Variants in MBNL2 observed in about 807,000 individuals in gnomAD.
MBNL2 encodes the protein muscleblind like splicing regulator 2.
A neutral mutation model predicts 41.9 loss-of-function variants in MBNL2; 17 were observed. That is an observed-to-expected ratio of 0.41 (90% CI 0.28 to 0.61). The LOEUF (loss-of-function observed/expected upper bound fraction) is 0.61, where lower values mean the gene tolerates loss of function less well. MBNL2 is among the 20% of genes least tolerant of loss of function. MBNL2 has a pLI of 0.35. For missense variants in MBNL2, 336 were observed against 505.6 expected, an observed-to-expected ratio of 0.66 and a Z score of 3.22; for synonymous variants, 195 against 182.9, an observed-to-expected ratio of 1.07 and a Z score of -0.53.
At chr13:97,360,685 TGGAACTA>T (rs1176465111) in intron 7 of MBNL2, among the ~76,000 whole-genome samples, 1 of 152,242 alleles carries the variant, frequency 6.6e-6, no homozygotes, top group Non-Finnish European at 1.5e-5. Context: ...CACCGCAAAG[TGGAACTA>T]CCCAGATAAT....
the MBNL2 span, among the ~76,000 whole-genome samples, chr13:97,162,062 G>A: frequency 1.3e-5 from 2 of 152,156 alleles, no homozygotes; most frequent in Non-Finnish European, 2.9e-5. Context: ...CAGCAAAGAG[G>A]AAGCTGACTG....
chr13:97,329,514 C>G (rs1403307642), intron 2 of MBNL2, among the ~76,000 whole-genome samples: 1 of 151,822 alleles, frequency 6.6e-6, no homozygotes, highest in Non-Finnish European at 1.5e-5. Flanking sequence ...CCTCCCCACA[C>G]CCCTTCTCTG....
chr13:97,178,488 G>C, the MBNL2 span, among the ~76,000 whole-genome samples: 1 of 152,134 alleles, frequency 6.6e-6, no homozygotes, highest in Non-Finnish European at 1.5e-5. Context: ...AACCATTTTG[G>C]GAAAATAGAG....
the MBNL2 span, among the ~76,000 whole-genome samples, chr13:97,144,283 A>G: frequency 2.0e-5 from 3 of 152,294 alleles, no homozygotes; most frequent in African/African-American, 7.2e-5. Context: ...TCCATGAAGG[A>G]GGGGTCTGAG....
chr13:97,235,318 CT>C (rs1203848076), intron 1 of MBNL2, among the ~76,000 whole-genome samples: 1 of 152,122 alleles, frequency 6.6e-6, no homozygotes, highest in Non-Finnish European at 1.5e-5. Context: ...AAATTGCCAG[CT>C]TTCTAGCTGA....
At chr13:97,330,507 A>C (rs2060341156) in intron 2 of MBNL2, among the ~76,000 whole-genome samples, 1 of 152,252 alleles carries the variant, frequency 6.6e-6, no homozygotes, top group Admixed American at 6.5e-5. Context: ...AACAAAACAA[A>C]GCAAAAAACA....
the MBNL2 span, among the ~76,000 whole-genome samples, chr13:97,152,776 A>T: frequency 3.9e-5 from 6 of 152,180 alleles, no homozygotes; most frequent in Non-Finnish European, 7.3e-5. Context: ...TTTTCTCAGG[A>T]ATGTAATGGA....
chr13:97,296,714 G>T (rs1250331334), intron 2 of MBNL2, among the ~76,000 whole-genome samples: 1 of 152,164 alleles, frequency 6.6e-6, no homozygotes, highest in Non-Finnish European at 1.5e-5. Context: ...TACCAGTTGA[G>T]ATAGTCTATT....
intron 2 of MBNL2, among the ~76,000 whole-genome samples, chr13:97,333,755 T>C (rs1267973987): frequency 6.6e-6 from 1 of 151,884 alleles, no homozygotes; most frequent in Non-Finnish European, 1.5e-5. Context: ...TGGACATCAC[T>C]CTAGCATGTA....
intron 2 of MBNL2, among the ~76,000 whole-genome samples, chr13:97,302,253 T>C (rs537521453): frequency 2.0e-5 from 3 of 152,214 alleles, no homozygotes; most frequent in Non-Finnish European, 4.4e-5. Context: ...AAGTGGCTCA[T>C]TATTTTGATC....
At chr13:97,177,346 A>G in the MBNL2 span, among the ~76,000 whole-genome samples, 1 of 152,192 alleles carries the variant, frequency 6.6e-6, no homozygotes, top group Non-Finnish European at 1.5e-5. Context: ...GTCTCCAAAG[A>G]AAAAAGAGAA....
intron 8 of MBNL2, among the ~76,000 whole-genome samples, chr13:97,375,486 G>T (rs370969196): frequency 1.4e-4 from 21 of 152,282 alleles, no homozygotes; most frequent in East Asian, 1.2e-3. Flanking sequence ...GACAGGTGAG[G>T]TTATTCCTGA....
chr13:97,247,099 G>C (rs2045616830), intron 1 of MBNL2, among the ~76,000 whole-genome samples: 1 of 152,154 alleles, frequency 6.6e-6, no homozygotes, highest in Non-Finnish European at 1.5e-5. Context: ...ATGCATGCTA[G>C]AAACACTTTA....
chr13:97,349,675 A>T (rs1344000438), intron 5 of MBNL2, among the ~76,000 whole-genome samples: 3 of 152,146 alleles, frequency 2.0e-5, no homozygotes, highest in Non-Finnish European at 4.4e-5. Context: ...CCACAGGTGC[A>T]TGCCACCATG....
chr13:97,343,962 A>C (rs2061632151), intron 4 of MBNL2, among the ~76,000 whole-genome samples: 1 of 152,052 alleles, frequency 6.6e-6, no homozygotes, highest in Admixed American at 6.5e-5. Context: ...ATGCGCCACC[A>C]CGCCTGGCCA....
chr13:97,253,766 ATTT>A (rs2047021410), intron 1 of MBNL2, among the ~76,000 whole-genome samples: 1 of 132,046 alleles, frequency 7.6e-6, no homozygotes, highest in Non-Finnish European at 1.5e-5. Flanking sequence ...ATACGTATTA[ATTT>A]ATTAATACGT....
chr13:97,327,999 T>C (rs900864843), intron 2 of MBNL2, among the ~76,000 whole-genome samples: 1 of 152,186 alleles, frequency 6.6e-6, no homozygotes. Flanking sequence ...AAACACTTTA[T>C]ATGCATTAAC....
intron 7 of MBNL2, 179 bp downstream of exon 7, chr13:97,357,814 T>C: frequency 5.7e-6 from 4 of 699,068 alleles, no homozygotes; most frequent in Middle Eastern, 4.7e-4. Flanking sequence ...TAAAGACTGT[T>C]AGGATTCTAA....
At chr13:97,189,497 G>T in the MBNL2 span, among the ~76,000 whole-genome samples, 1 of 152,114 alleles carries the variant, frequency 6.6e-6, no homozygotes, top group African/African-American at 2.4e-5. Context: ...TGTACGGGAG[G>T]AAATATAAAT....
Sources: gnomAD v4.1 joint callset for allele counts (sites outside exome capture counted in the v4.1 genomes callset) on GRCh38, gnomAD v4.1.1 for gene constraint, MANE v1.5 for transcripts, NCBI Gene and HGNC (gene_info 2026-07-23, HGNC 2026-07-21) for gene names.